Variants in RPSA2 observed in about 807,000 individuals in gnomAD.
RPSA2 encodes ribosomal protein SA 2.
chr19:23,829,375 C>T, the RPSA2 span, among the ~76,000 whole-genome samples: 1 of 152,134 alleles, frequency 6.6e-6, no homozygotes, highest in Non-Finnish European at 1.5e-5. Context: ...GATCTTGGCT[C>T]ACCGCAATCT....
the RPSA2 span, among the ~76,000 whole-genome samples, chr19:23,857,821 T>C: frequency 6.6e-6 from 1 of 152,222 alleles, no homozygotes; most frequent in East Asian, 1.9e-4. Context: ...TAAAGTCATT[T>C]CAATAATTTT....
chr19:23,820,144 C>G, the RPSA2 span, among the ~76,000 whole-genome samples: 91 of 152,174 alleles, frequency 6.0e-4, 1 homozygote, highest in Non-Finnish European at 1.9e-4. Context: ...GGTGTGGCCC[C>G]TATTTCCTGC....
chr19:23,834,167 T>A, the RPSA2 span, among the ~76,000 whole-genome samples: 148,835 of 152,164 alleles, frequency 0.98, 72,882 homozygotes, highest in Middle Eastern at 1. Context: ...TACAAAACTA[T>A]AGATAGCATA....
the RPSA2 span, among the ~76,000 whole-genome samples, chr19:23,834,290 T>C: frequency 1.4e-5 from 2 of 147,266 alleles, no homozygotes; most frequent in Non-Finnish European, 3.0e-5. Flanking sequence ...TGAATAATAA[T>C]GAAGTTAAAC....
the RPSA2 span, among the ~76,000 whole-genome samples, chr19:23,834,682 TTTCAA>T: frequency 6.6e-6 from 1 of 152,078 alleles, no homozygotes; most frequent in Non-Finnish European, 1.5e-5. Flanking sequence ...GAAATTAACT[TTTCAA>T]TTCCACATTT....
chr19:23,826,145 TA>T, the RPSA2 span, among the ~76,000 whole-genome samples: 1 of 151,984 alleles, frequency 6.6e-6, no homozygotes, highest in Non-Finnish European at 1.5e-5. Flanking sequence ...AGCTAAATCT[TA>T]ACACATATTA....
chr19:23,867,501 A>G, the RPSA2 span, among the ~76,000 whole-genome samples: 1 of 150,788 alleles, frequency 6.6e-6, no homozygotes, highest in African/African-American at 2.4e-5. Flanking sequence ...CCTACAAGGA[A>G]ACCCTAACCC....
At chr19:23,862,718 G>T in the RPSA2 span, among the ~76,000 whole-genome samples, 1 of 151,236 alleles carries the variant, frequency 6.6e-6, no homozygotes, top group African/African-American at 2.4e-5. Flanking sequence ...AACCAGCCTT[G>T]AATCCCAGGT....
At chr19:23,870,249 T>C in the RPSA2 span, among the ~76,000 whole-genome samples, 2 of 152,332 alleles carry the variant, frequency 1.3e-5, no homozygotes, top group South Asian at 2.1e-4. Context: ...TGGCTCAGTA[T>C]GTAGAGGACT....
At chr19:23,847,432 G>T in the RPSA2 span, among the ~76,000 whole-genome samples, 3 of 152,092 alleles carry the variant, frequency 2.0e-5, no homozygotes, top group African/African-American at 7.2e-5. Flanking sequence ...TTTACAGCTG[G>T]GCTGCCGGGG....
At chr19:23,821,268 G>A in the RPSA2 span, among the ~76,000 whole-genome samples, 1 of 152,164 alleles carries the variant, frequency 6.6e-6, no homozygotes, top group African/African-American at 2.4e-5. Context: ...GAAGCATGGG[G>A]GCCATCCCAG....
the RPSA2 span, among the ~76,000 whole-genome samples, chr19:23,779,050 G>C: frequency 7.7e-6 from 1 of 129,352 alleles, no homozygotes; most frequent in African/African-American, 2.9e-5. Context: ...GCCCAGGCTG[G>C]AGTGCAGTGG....
chr19:23,800,879 T>C, the RPSA2 span, among the ~76,000 whole-genome samples: 1 of 152,190 alleles, frequency 6.6e-6, no homozygotes, highest in Non-Finnish European at 1.5e-5. Flanking sequence ...CCCAAAGTGC[T>C]GGGATTACAG....
the RPSA2 span, among the ~76,000 whole-genome samples, chr19:23,840,376 A>G: frequency 6.6e-6 from 1 of 152,160 alleles, no homozygotes; most frequent in East Asian, 1.9e-4. Context: ...TGAAATATTG[A>G]AAGTATTCCC....
At chr19:23,813,876 C>G in the RPSA2 span, among the ~76,000 whole-genome samples, 2 of 151,610 alleles carry the variant, frequency 1.3e-5, no homozygotes, top group African/African-American at 4.8e-5. Context: ...GCACGTGCCA[C>G]CACACCCGGC....
the RPSA2 span, among the ~76,000 whole-genome samples, chr19:23,840,962 CAAAAA>C: frequency 2.3e-4 from 27 of 117,716 alleles, no homozygotes; most frequent in East Asian, 1.7e-3. Flanking sequence ...AACTCCGTCT[CAAAAA>C]AAAAAAAAAA....
chr19:23,831,212 C>G, the RPSA2 span, among the ~76,000 whole-genome samples: 2 of 152,020 alleles, frequency 1.3e-5, no homozygotes, highest in Non-Finnish European at 2.9e-5. Context: ...CAGAAAAGGT[C>G]CCTAAAAGTC....
chr19:23,852,768 G>T, the RPSA2 span, among the ~76,000 whole-genome samples: 1 of 152,172 alleles, frequency 6.6e-6, no homozygotes, highest in Non-Finnish European at 1.5e-5. Flanking sequence ...GCCAGATTTT[G>T]GGGGGCTTGC....
At chr19:23,836,349 G>A in the RPSA2 span, among the ~76,000 whole-genome samples, 1 of 151,912 alleles carries the variant, frequency 6.6e-6, no homozygotes, top group Non-Finnish European at 1.5e-5. Flanking sequence ...TGGCTGAGTA[G>A]TATTCCAACA....
Sources: gnomAD v4.1 joint callset for allele counts (sites outside exome capture counted in the v4.1 genomes callset) on GRCh38, gnomAD v4.1.1 for gene constraint, MANE v1.5 for transcripts, NCBI Gene and HGNC (gene_info 2026-07-23, HGNC 2026-07-21) for gene names.